Variants in LRRC4C observed in about 807,000 individuals in gnomAD.
The protein encoded by LRRC4C is leucine-rich repeat-containing protein 4C.
A neutral mutation model predicts 33.6 loss-of-function variants in LRRC4C; 5 were observed. The observed-to-expected ratio is 0.15, with a 90% confidence interval of 0.08 to 0.31. LRRC4C has a LOEUF of 0.31. Ranked by LOEUF, LRRC4C falls within the 10% of genes least tolerant of loss-of-function variation. LRRC4C has a pLI of 1.00. For synonymous variants in LRRC4C, 329 were observed against 302.0 expected, an observed-to-expected ratio of 1.09 and a Z score of -0.93; for missense variants, 560 against 796.7, an observed-to-expected ratio of 0.70 and a Z score of 3.58.
rs533178771 is a variant in LRRC4C, at chr11:40,794,440, C to T, written c.-407+139195G>A. Among the ~76,000 whole-genome samples the T allele has an allele frequency of 1.1e-4, 16 of 139,658 alleles. No homozygotes were observed. The South Asian group carries it at 3.6e-3, about 32-fold the overall frequency. 91.6% of individuals were successfully genotyped at this position (139,658 alleles called of 152,430 possible). A position where few individuals can be genotyped will look rare whatever the true frequency, so the allele number is the denominator to read the frequency against. ...ATCGGAGGATAAAGGAATGCTCAGACATGTACTATTTGTTCAAGGAGATAT... is the reference window on the plus strand; with the variant it reads ...ATCGGAGGATAAAGGAATGCTCAGATATGTACTATTTGTTCAAGGAGATAT... On this transcript the variant is annotated intron_variant, in intron 2 of 6. Transcript: ENST00000528697.
At chr11:40,956,671 A>C (rs1958969639) in intron 1 of LRRC4C, among the ~76,000 whole-genome samples, 1 of 151,876 alleles carries the variant, frequency 6.6e-6, no homozygotes, top group Non-Finnish European at 1.5e-5. Context: ...TGTCTACCTA[A>C]AAATCAGCAA....
intron 1 of LRRC4C, among the ~76,000 whole-genome samples, chr11:41,439,997 C>A (rs1851891813): frequency 6.6e-6 from 1 of 152,112 alleles, no homozygotes; most frequent in Non-Finnish European, 1.5e-5. Flanking sequence ...TAGTTTAAGT[C>A]AAATTTGTCT....
chr11:40,615,069 C>A (rs1023322861), intron 3 of LRRC4C, among the ~76,000 whole-genome samples: 1 of 151,262 alleles, frequency 6.6e-6, no homozygotes, highest in Non-Finnish European at 1.5e-5. Context: ...TTACCACAGA[C>A]CTTCAATTTG....
At chr11:40,729,253 C>T (rs1222209846) in intron 2 of LRRC4C, among the ~76,000 whole-genome samples, 3 of 152,132 alleles carry the variant, frequency 2.0e-5, no homozygotes, top group South Asian at 4.1e-4. Flanking sequence ...CAAACTAGCA[C>T]ATGTTGCAAT....
intron 2 of LRRC4C, among the ~76,000 whole-genome samples, chr11:40,785,704 T>TAG (rs1950385866): frequency 6.6e-6 from 1 of 152,158 alleles, no homozygotes. Context: ...ACAATACACT[T>TAG]TTAACTGTTT....
At chr11:40,549,056 A>C (rs1237402507) in intron 3 of LRRC4C, among the ~76,000 whole-genome samples, 1 of 152,178 alleles carries the variant, frequency 6.6e-6, no homozygotes, top group African/African-American at 2.4e-5. Context: ...CCTGATTTTC[A>C]AACTTGCATT....
chr11:41,262,767 C>A (rs562820495), intron 1 of LRRC4C, among the ~76,000 whole-genome samples: 16 of 152,034 alleles, frequency 1.1e-4, no homozygotes, highest in African/African-American at 3.9e-4. Context: ...GTGTACCCAC[C>A]CACAGGTCTA....
At chr11:40,278,011 T>C (rs1262815473) in intron 4 of LRRC4C, among the ~76,000 whole-genome samples, 1 of 152,202 alleles carries the variant, frequency 6.6e-6, no homozygotes, top group Non-Finnish European at 1.5e-5. Context: ...CAGTTATTTG[T>C]TCTCCCATAG....
chr11:40,634,167 G>T (rs1360525108), intron 3 of LRRC4C, among the ~76,000 whole-genome samples: 1 of 152,144 alleles, frequency 6.6e-6, no homozygotes, highest in Non-Finnish European at 1.5e-5. Context: ...GACTAATAAA[G>T]GATGGAAAAC....
intron 2 of LRRC4C, among the ~76,000 whole-genome samples, chr11:40,798,022 G>A (rs962487372): frequency 3.3e-5 from 5 of 152,170 alleles, no homozygotes; most frequent in Admixed American, 2.0e-4. Flanking sequence ...AGGTTGAACA[G>A]TTATATTCCT....
At chr11:40,135,440 T>C (rs777955547) in intron 6 of LRRC4C, among the ~76,000 whole-genome samples, 9 of 152,140 alleles carry the variant, frequency 5.9e-5, no homozygotes, top group Admixed American at 2.0e-4. Context: ...CCATGGAAAG[T>C]AAAAACTCCC....
chr11:41,244,611 C>G (rs1430926078), intron 1 of LRRC4C, among the ~76,000 whole-genome samples: 1 of 152,180 alleles, frequency 6.6e-6, no homozygotes, highest in Non-Finnish European at 1.5e-5. Context: ...AGGTCTTATA[C>G]TGCTTGAATT....
chr11:41,079,738 C>T (rs1349515592), intron 1 of LRRC4C, among the ~76,000 whole-genome samples: 3 of 152,188 alleles, frequency 2.0e-5, no homozygotes, highest in African/African-American at 4.8e-5. Context: ...TGTGGCTCAA[C>T]ACAAATTCAT....
At chr11:41,064,259 T>C (rs530787711) in intron 1 of LRRC4C, among the ~76,000 whole-genome samples, 1 of 152,312 alleles carries the variant, frequency 6.6e-6, no homozygotes, top group Admixed American at 6.5e-5. Context: ...ATGAGGTTAA[T>C]CTCTTATTTA....
intron 2 of LRRC4C, among the ~76,000 whole-genome samples, chr11:40,927,395 A>G (rs1419977732): frequency 6.7e-6 from 1 of 149,212 alleles, no homozygotes; most frequent in Non-Finnish European, 1.5e-5. Context: ...TAAAAAAAGG[A>G]AAAAAAAAAG....
At chr11:41,355,795 T>C (rs947856297) in intron 1 of LRRC4C, among the ~76,000 whole-genome samples, 3 of 152,108 alleles carry the variant, frequency 2.0e-5, no homozygotes, top group African/African-American at 7.2e-5. Flanking sequence ...AGATAATTCA[T>C]GTTTTTTTAA....
chr11:40,400,399 A>C (rs2137538013), intron 3 of LRRC4C, among the ~76,000 whole-genome samples: 1 of 152,256 alleles, frequency 6.6e-6, no homozygotes, highest in African/African-American at 2.4e-5. Context: ...TTTTAAAATT[A>C]CAATATATTT....
intron 3 of LRRC4C, among the ~76,000 whole-genome samples, chr11:40,484,510 G>T (rs1257112884): frequency 1.3e-5 from 2 of 151,982 alleles, no homozygotes; most frequent in African/African-American, 4.8e-5. Context: ...ATAAGGATAC[G>T]TTAGGTAGGA....
chr11:40,435,217 G>A (rs932014678), intron 3 of LRRC4C, among the ~76,000 whole-genome samples: 2 of 152,180 alleles, frequency 1.3e-5, no homozygotes, highest in Admixed American at 6.5e-5. Context: ...CCAACCAGCA[G>A]CATATGCTCC....
Sources: allele counts gnomAD v4.1 joint callset (sites outside exome capture counted in the v4.1 genomes callset), GRCh38; gene constraint gnomAD v4.1.1; transcripts MANE v1.5; gene names NCBI Gene and HGNC (gene_info 2026-07-23, HGNC 2026-07-21).